Variants in MBNL1 observed in about 807,000 individuals in gnomAD.
MBNL1 encodes muscleblind like splicing regulator 1.
MBNL1 carries 8 observed loss-of-function variants against 42.2 expected under a neutral mutation model. The ratio of observed to expected loss-of-function variants is 0.19; its 90% CI spans 0.11 to 0.34. The LOEUF (loss-of-function observed/expected upper bound fraction) is 0.34. Among genes scored for constraint, MBNL1 ranks in the 10% least tolerant of loss-of-function variants. MBNL1 has a pLI of 1.00. For synonymous variants in MBNL1, 169 were observed against 173.9 expected (o/e 0.97, Z 0.22); for missense variants, 309 against 495.3 (o/e 0.62, Z 3.57).
At chr3:152,414,910 A>G (rs1254354916) in intron 2 of MBNL1, 31 bp from the exon 3 acceptor site, 3 of 1,603,810 alleles carry the variant, frequency 1.9e-6, no homozygotes, top group Non-Finnish European at 2.6e-6. Flanking sequence ...ATTCTTTTCT[A>G]AGATGATGTT....
chr3:152,276,942 A>T (rs767178385), intron 1 of MBNL1, among the ~76,000 whole-genome samples: 1 of 152,116 alleles, frequency 6.6e-6, no homozygotes, highest in African/African-American at 2.4e-5. Context: ...GCTGAGAGAA[A>T]TGTGATAAGG....
intron 2 of MBNL1, among the ~76,000 whole-genome samples, chr3:152,373,249 A>C (rs1578942219): frequency 6.7e-6 from 1 of 148,752 alleles, no homozygotes. Flanking sequence ...TGGCGGTGGG[A>C]TCCACTGATC....
intron 3 of MBNL1, among the ~76,000 whole-genome samples, chr3:152,418,392 G>C (rs902681815): frequency 5.9e-5 from 9 of 152,178 alleles, no homozygotes; most frequent in Non-Finnish European, 1.0e-4. Context: ...CTCTAACCTA[G>C]CTGGGTGTGC....
At chr3:152,295,784 A>G (rs1042869713) in intron 1 of MBNL1, among the ~76,000 whole-genome samples, 1 of 152,222 alleles carries the variant, frequency 6.6e-6, no homozygotes, top group Non-Finnish European at 1.5e-5. Context: ...GTCAAACCAA[A>G]CAGGGAGTTA....
chr3:152,443,140 G>T (rs1171403346), intron 4 of MBNL1, among the ~76,000 whole-genome samples: 1 of 149,768 alleles, frequency 6.7e-6, no homozygotes, highest in Non-Finnish European at 1.5e-5. Flanking sequence ...GGAGAGTAAA[G>T]AACATGAAAT....
At chr3:152,291,927 C>T (rs2056231000) in intron 1 of MBNL1, among the ~76,000 whole-genome samples, 1 of 152,116 alleles carries the variant, frequency 6.6e-6, no homozygotes, top group African/African-American at 2.4e-5. Flanking sequence ...CAAGCACATG[C>T]CATGCCATCA....
At chr3:152,438,798 G>A (rs2099111162) in intron 4 of MBNL1, among the ~76,000 whole-genome samples, 1 of 152,108 alleles carries the variant, frequency 6.6e-6, no homozygotes. Flanking sequence ...ATGGTTTTTT[G>A]TGAAACTTAA....
intron 2 of MBNL1, among the ~76,000 whole-genome samples, chr3:152,382,893 T>C (rs140847337): frequency 1.9e-4 from 29 of 152,222 alleles, no homozygotes; most frequent in African/African-American, 6.3e-4. Flanking sequence ...TCCGTACTTA[T>C]TGGGGTTTTT....
chr3:152,424,939 T>G, intron 3 of MBNL1, among the ~76,000 whole-genome samples: 1 of 152,296 alleles, frequency 6.6e-6, no homozygotes, highest in East Asian at 1.9e-4. Flanking sequence ...AAGACTTAAA[T>G]GTAAGACCCA....
intron 3 of MBNL1, among the ~76,000 whole-genome samples, chr3:152,431,522 AT>A (rs1468295937): frequency 6.6e-6 from 1 of 152,240 alleles, no homozygotes; most frequent in Non-Finnish European, 1.5e-5. Flanking sequence ...ATATTCAGAT[AT>A]CATGTAACTT....
rs1393088172 is a variant in MBNL1, at chr3:152,302,483, AC to A, written c.174+2117del. On this transcript the variant is annotated intron_variant, in intron 2 of 9. Coordinates refer to ENST00000324210, the MANE Select transcript of MBNL1 (RefSeq NM_021038.5). ...TGTAATTAAGCATTTATGTTAAAAA[AC>A]ATGTTTCTTACGTGTGTGTGTATAT... The A allele has an allele frequency of 3.9e-5, 6 of 152,184 alleles. No homozygotes were observed. In the East Asian group the frequency reaches 7.7e-4, roughly 20 times the overall value. The allele number at this position is 152,184 out of a possible 1,614,324, so 9.4% of individuals were successfully genotyped here.
intron 3 of MBNL1, among the ~76,000 whole-genome samples, chr3:152,418,374 A>T (rs2098737984): frequency 6.6e-6 from 1 of 151,952 alleles, no homozygotes; most frequent in Non-Finnish European, 1.5e-5. Context: ...TGGTTGATTC[A>T]TTAAGATCTC....
At chr3:152,427,299 T>C (rs1399822602) in intron 3 of MBNL1, among the ~76,000 whole-genome samples, 1 of 152,228 alleles carries the variant, frequency 6.6e-6, no homozygotes, top group East Asian at 1.9e-4. Flanking sequence ...AAAGTGAAAC[T>C]AAGAATGAAG....
upstream of MBNL1, chr3:152,268,843 G>C (rs1031292807): frequency 1.5e-5 from 7 of 453,476 alleles, no homozygotes; most frequent in Non-Finnish European, 2.7e-5. Flanking sequence ...GGGCTTCCTG[G>C]TGGGGCTGGG....
At chr3:152,261,950 T>C (rs2036360343) in intron 2 of MBNL1, among the ~76,000 whole-genome samples, 1 of 152,192 alleles carries the variant, frequency 6.6e-6, no homozygotes, top group African/African-American at 2.4e-5. Flanking sequence ...CCTTGCCATC[T>C]GCTTGGCACA....
intron 2 of MBNL1, among the ~76,000 whole-genome samples, chr3:152,257,623 T>G (rs1382837380): frequency 2.0e-5 from 3 of 152,232 alleles, no homozygotes; most frequent in African/African-American, 7.2e-5. Flanking sequence ...TTTCTCCTCT[T>G]AAAATTCTGA....
chr3:152,412,768 A>C (rs894700402), intron 2 of MBNL1, among the ~76,000 whole-genome samples: 6 of 152,148 alleles, frequency 3.9e-5, no homozygotes, highest in Non-Finnish European at 5.9e-5. Flanking sequence ...AGTGCTTAGG[A>C]AGACCACAGT....
intron 2 of MBNL1, chr3:152,337,980 C>A: frequency 1.7e-6 from 1 of 579,590 alleles, no homozygotes; most frequent in Admixed American, 7.3e-5. Context: ...TGCGGATCAG[C>A]ACCCTGGGAT....
intron 2 of MBNL1, among the ~76,000 whole-genome samples, chr3:152,247,171 A>C (rs968676498): frequency 1.3e-5 from 2 of 152,138 alleles, no homozygotes; most frequent in Admixed American, 6.6e-5. Context: ...GTTTGGGTGC[A>C]AACTCAGAGA....
Sources: gnomAD v4.1 joint callset for allele counts (sites outside exome capture counted in the v4.1 genomes callset) on GRCh38, gnomAD v4.1.1 for gene constraint, MANE v1.5 for transcripts, NCBI Gene and HGNC (gene_info 2026-07-23, HGNC 2026-07-21) for gene names.